The following COPG1 variants were observed in gnomAD, a reference collection of about 807,000 sequenced individuals.
The protein encoded by COPG1 is coatomer subunit gamma-1.
COPG1 carries 29 observed loss-of-function variants against 102.8 expected under a neutral mutation model. The ratio of observed to expected loss-of-function variants is 0.28; its 90% CI spans 0.21 to 0.38. COPG1 has a LOEUF of 0.38. COPG1 is among the 10% of genes least tolerant of loss of function. The probability of loss-of-function intolerance (pLI) is 1.00; values close to 1 mark genes in which losing one functional copy is unlikely to be tolerated. For missense variants in COPG1, 875 were observed against 1,132.7 expected, an observed-to-expected ratio of 0.77 and a Z score of 3.27; for synonymous variants, 406 against 421.6, an observed-to-expected ratio of 0.96 and a Z score of 0.45.
In COPG1 at chr3:129,257,323, T is replaced by C. The variant is rs567329516; in HGVS notation, c.580-147T>C. The C allele has an allele frequency of 1.7e-5, 13 of 776,844 alleles. No homozygotes were observed. In the African/African-American group the frequency reaches 2.0e-4, roughly 12 times the overall value. 48.1% of individuals were successfully genotyped at this position (776,844 alleles called of 1,614,324 possible). On this transcript the variant is annotated intron_variant, in intron 8 of 23. Transcript: ENST00000314797. ...TGGAGGGCTGTGTACACAGAGTACC[T>C]GGGGCAGTTGTCACAGCCACTCTGT...
At chr3:129,254,138 A>C (rs1939756343) in intron 5 of COPG1, among the ~76,000 whole-genome samples, 1 of 151,952 alleles carries the variant, frequency 6.6e-6, no homozygotes, top group South Asian at 2.1e-4. Flanking sequence ...CTCTACTAAA[A>C]ATACAAAAAT....
At position 129,254,626 on chromosome 3, in the gene COPG1, G is replaced by A. The variant is rs551837614; in HGVS notation, c.324-42G>A. ...TTGGGAGCTGGAGAGGAGTAAACAG[G>A]CCCAGGCTCTCTGCATGCTGACAAT... On this transcript the variant is annotated intron_variant, in intron 5 of 23. Coordinates refer to ENST00000314797, the MANE Select transcript of COPG1 (RefSeq NM_016128.4). 7.2e-6 allele frequency: 11 copies of A among 1,526,508 alleles called. No homozygotes were observed. In the East Asian group the frequency reaches 2.5e-4, roughly 34 times the overall value. The allele number at this position is 1,526,508 out of a possible 1,614,324, so 94.6% of individuals were successfully genotyped here. A position where few individuals can be genotyped will look rare whatever the true frequency, so the allele number is the denominator to read the frequency against.
rs747467155 is a variant in COPG1, at chr3:129,267,349, T to G, written c.1544+250T>G. ...AAAATAGCTCTATTGAAGCCGGGCA[T>G]AGTGGCTCCCGCCTGTAATCCCAGC... On this transcript the variant is annotated intron_variant, in intron 15 of 23. Coordinates refer to ENST00000314797, the MANE Select transcript of COPG1 (RefSeq NM_016128.4). The G allele has an allele frequency of 1.8e-5, 6 of 329,720 alleles. No individual in the cohort carries two copies. In the Admixed American group the frequency reaches 1.9e-4, roughly 10 times the overall value. 20.4% of individuals were successfully genotyped at this position (329,720 alleles called of 1,614,324 possible). A position where few individuals can be genotyped will look rare whatever the true frequency, so the allele number is the denominator to read the frequency against.
intron 6 of COPG1, 104 bp downstream of exon 6, chr3:129,254,847 T>C: frequency 1.6e-6 from 2 of 1,223,190 alleles, no homozygotes; most frequent in Non-Finnish European, 2.4e-6. Flanking sequence ...CCAGGTGATG[T>C]GGGGTGGAGG....
chr3:129,268,185 T>C, intron 16 of COPG1, 145 bp downstream of exon 16: 1 of 695,908 alleles, frequency 1.4e-6, no homozygotes, highest in Non-Finnish European at 2.5e-6. Flanking sequence ...CCTCAGGAGG[T>C]CCCGGGTCAT....
At chr3:129,267,445 C>T (rs932851788) in intron 15 of COPG1, among the ~76,000 whole-genome samples, 22 of 152,114 alleles carry the variant, frequency 1.4e-4, no homozygotes, top group Admixed American at 6.6e-5. Context: ...CACGCTGAAA[C>T]CCCGTCTCTA....
At chr3:129,265,853 A>C in intron 14 of COPG1, 61 bp downstream of exon 14, 1 of 1,552,722 alleles carries the variant, frequency 6.4e-7, no homozygotes, top group South Asian at 1.2e-5. Context: ...ATGTCCCAGC[A>C]AAGGGACCTG....
At chr3:129,267,213 T>G (rs1020123830) in intron 15 of COPG1, 114 bp downstream of exon 15, 1 of 712,936 alleles carries the variant, frequency 1.4e-6, no homozygotes, top group Non-Finnish European at 2.4e-6. Flanking sequence ...ATACAGCTAC[T>G]GATTGTAGAA....
chr3:129,267,113 C>A lies in COPG1; in HGVS notation c.1544+14C>A. 1 of 1,608,964 alleles carries A rather than the reference C, an allele frequency of 6.2e-7. No individual in the cohort carries two copies. Among genetic ancestry groups the A allele is most frequent in the South Asian group, 1.1e-5 (1 of 90,866 alleles). On this transcript the variant is annotated intron_variant, in intron 15 of 23. Coordinates refer to ENST00000314797, the MANE Select transcript of COPG1 (RefSeq NM_016128.4). Reference sequence around the variant, plus strand: ...GTTGCTGAAGAGGTGAGTCTAGGCCCAGGGGCCCTAATGGGGACAGTGTTC... The same window carrying A: ...GTTGCTGAAGAGGTGAGTCTAGGCCAAGGGGCCCTAATGGGGACAGTGTTC...
chr3:129,249,636 C>T lies in COPG1; in HGVS notation c.-74C>T, dbSNP rs1939648188. The T allele has an allele frequency of 1.3e-6, 2 of 1,523,138 alleles. No individual in the cohort carries two copies. The highest frequency in any genetic ancestry group is 1.4e-5 in the African/African-American group (1 of 72,610). The allele number at this position is 1,523,138 out of a possible 1,614,324, so 94.4% of individuals were successfully genotyped here. The stretch of plus-strand genomic sequence containing the variant: ...GGGCCCGGAAGTGGTCCCTGTAGAA[C>T]CACTGTGGCACCGCTACTCCGTGCC... On this transcript the variant is annotated 5_prime_UTR_variant, in exon 1 of 24. Transcript: ENST00000314797.
rs997282513 is a variant in COPG1 at position 129,268,497 on chromosome 3, C to T, written c.1651C>T (p.Leu551=). 1 of 1,614,120 alleles carries T rather than the reference C, an allele frequency of 6.2e-7. No homozygotes were observed. The highest frequency in any genetic ancestry group is 8.5e-7 in the Non-Finnish European group (1 of 1,179,990). ...ALNAGYILNG[L]TVSIPGLERA... ...TGGTGACCTCTCTTCACCTCCAGGT[C>T]TGACTGTGTCCATCCCTGGTCTGGA... Residue 551 remains leucine (L), a splice_region_variant and synonymous_variant, in exon 17 of 24, where the codon CTG becomes TTG. Coordinates refer to ENST00000314797, the MANE Select transcript of COPG1 (RefSeq NM_016128.4).
rs1940293034 is a variant in COPG1 at position 129,277,296 on chromosome 3, G to A, written c.2497G>A (p.Val833Met). Reference protein sequence around the residue: ...KNTHTLLLAGVFRGGHDILVR... With the variant: ...KNTHTLLLAGMFRGGHDILVR... ...TGTACTTCTCTCTTCCCTTCTAGGTGTGTTCCGGGGTGGTCATGACATCCT... is the reference window on the plus strand; with the variant it reads ...TGTACTTCTCTCTTCCCTTCTAGGTATGTTCCGGGGTGGTCATGACATCCT... The change falls in exon 24 of 24, where the codon GTG (valine) becomes ATG (methionine). Residue 833 changes from valine to methionine, a missense_variant and splice_region_variant. By Grantham distance (21) the Val-to-Met change is conservative. Transcript: ENST00000314797. 6.2e-7 allele frequency: 1 copy of A among 1,613,852 alleles called. No individual in the cohort carries two copies. Among genetic ancestry groups the A allele is most frequent in the African/African-American group, 1.3e-5 (1 of 75,010 alleles).
chr3:129,255,175 C>T, intron 7 of COPG1, 98 bp downstream of exon 7: 6 of 760,846 alleles, frequency 7.9e-6, no homozygotes, highest in South Asian at 5.3e-5. Context: ...GTGTTTCTTT[C>T]TTTCTTTTTT....
intron 8 of COPG1, 68 bp downstream of exon 8, chr3:129,256,222 A>AAGTGTCCATGCCAAC: frequency 8.2e-6 from 11 of 1,346,420 alleles, no homozygotes; most frequent in Non-Finnish European, 1.1e-5. Context: ...GCCAGTTGGC[A>AAGTGTCCATGCCAAC]TGGACACTTG....
chr3:129,275,772 A>T lies in COPG1; in HGVS notation c.2494+480A>T, dbSNP rs991870604. 6.6e-6 allele frequency among the ~76,000 whole-genome samples: 1 copy of T among 152,224 alleles called. No homozygotes were observed. ...TGTATGGTTCAGCGGCATTAAGTAC[A>T]TTCACACTATTGTAAAACTATGACC... On this transcript the variant is annotated intron_variant, in intron 23 of 23. Transcript: ENST00000314797. This position sits in a 1 kb window ranked among gnomAD's most constrained non-coding sequence, Gnocchi z 5.0.
intron 16 of COPG1, 31 bp downstream of exon 16, chr3:129,268,071 G>A: frequency 6.5e-7 from 1 of 1,540,288 alleles, no homozygotes; most frequent in Non-Finnish European, 9.0e-7. Flanking sequence ...CTTGGACTCA[G>A]CACCTTACTG....
chr3:129,273,071 G>A (rs1184398320), intron 21 of COPG1, among the ~76,000 whole-genome samples, 167 bp downstream of exon 21: 1 of 152,054 alleles, frequency 6.6e-6, no homozygotes, highest in African/African-American at 2.4e-5. Flanking sequence ...TACCCAGGCT[G>A]GAGTGCAGTG....
intron 8 of COPG1, 88 bp from the exon 9 acceptor site, chr3:129,257,382 A>G: frequency 7.1e-7 from 1 of 1,398,912 alleles, no homozygotes; most frequent in East Asian, 2.3e-5. Context: ...CTTAGAAATG[A>G]GAAGGCTGAA....
At chr3:129,263,033 AAAGAGTCCTTCTG>A (rs1560065365) in intron 12 of COPG1, among the ~76,000 whole-genome samples, 2 of 144,532 alleles carry the variant, frequency 1.4e-5, no homozygotes, top group East Asian at 2.0e-4. Flanking sequence ...AAAAAAAAAA[AAAGAGTCCTTCTG>A]GAGCAGAGTG....
Sources: gnomAD v4.1 joint callset for allele counts (sites outside exome capture counted in the v4.1 genomes callset) on GRCh38, gnomAD v4.1.1 for gene constraint, Gnocchi (gnomAD v3.1) non-coding constraint, MANE v1.5 for transcripts, NCBI Gene and HGNC (gene_info 2026-07-23, HGNC 2026-07-21) for gene names.